Variants in SLC25A32 observed in about 807,000 individuals in gnomAD.
SLC25A32 encodes Glycine auxotroph B, complementation of hamster.
A neutral mutation model predicts 39.0 loss-of-function variants in SLC25A32; 32 were observed. The observed-to-expected ratio is 0.82, with a 90% confidence interval of 0.62 to 1.10. The LOEUF is 1.10. Ranked by LOEUF, SLC25A32 falls within the 50% of genes least tolerant of loss-of-function variation. SLC25A32 has a pLI of 0.00. For synonymous variants in SLC25A32, 166 were observed against 152.4 expected, an observed-to-expected ratio of 1.09 and a Z score of -0.66; for missense variants, 367 against 395.3, an observed-to-expected ratio of 0.93 and a Z score of 0.61.
chr8:103,402,222 CAT>C, intron 4 of SLC25A32, 168 bp from the exon 5 acceptor site: 1 of 519,250 alleles, frequency 1.9e-6, no homozygotes, highest in South Asian at 3.0e-5. Flanking sequence ...AATATAAAGA[CAT>C]GGGTAGTATT....
intron 2 of SLC25A32, among the ~76,000 whole-genome samples, chr8:103,405,371 G>T (rs1276432446): frequency 6.6e-6 from 1 of 152,142 alleles, no homozygotes; most frequent in African/African-American, 2.4e-5. Flanking sequence ...AGAAATTCAG[G>T]AATTATGACT....
At chr8:103,403,103 C>CA in intron 4 of SLC25A32, 61 bp downstream of exon 4, 1 of 1,266,890 alleles carries the variant, frequency 7.9e-7, no homozygotes, top group Admixed American at 2.2e-5. Flanking sequence ...AGAACTAAGA[C>CA]AACAGAGCCA....
chr8:103,407,668 C>G lies in SLC25A32; in HGVS notation c.271G>C (p.Gly91Arg). 1 of 1,604,822 alleles carries G rather than the reference C, an allele frequency of 6.2e-7. No homozygotes were observed. Among genetic ancestry groups the G allele is most frequent in the Non-Finnish European group, 8.5e-7 (1 of 1,174,618 alleles). ...TAGAGTCCCCAGGATAAACCTGCAC[C>G]CCATATATTTGGGGTTACTCCTTGA... is the stretch of plus-strand genomic sequence containing the variant. ...LYQGVTPNIW[G>R]AGLSWGLYFF... Residue 91 changes from glycine to arginine, a missense_variant, in exon 2 of 7, where the codon GGT becomes CGT. Transcript: ENST00000297578.
In SLC25A32 at chr8:103,403,150, T is replaced by C; in HGVS notation, c.552+14A>G. 2 of 1,535,610 alleles carry C rather than the reference T, an allele frequency of 1.3e-6. No individual in the cohort carries two copies. The highest frequency in any genetic ancestry group is 1.8e-6 in the Non-Finnish European group (2 of 1,129,612). ...AATTTTTCAGTTATTTAAAATATAT[T>C]GATAATTTGTTACCTTATATAATCC... On this transcript the variant is annotated intron_variant, in intron 4 of 6. Coordinates refer to ENST00000297578, the MANE Select transcript of SLC25A32 (RefSeq NM_030780.5).
intron 2 of SLC25A32, among the ~76,000 whole-genome samples, chr8:103,405,915 C>T (rs887913983): frequency 6.6e-6 from 1 of 152,026 alleles, no homozygotes; most frequent in African/African-American, 2.4e-5. Flanking sequence ...GTGATCCTCC[C>T]ACCTTGGCCT....
intron 6 of SLC25A32, among the ~76,000 whole-genome samples, chr8:103,400,781 A>G (rs968872296): frequency 1.3e-5 from 2 of 152,228 alleles, no homozygotes; most frequent in African/African-American, 2.4e-5. Flanking sequence ...TGAACTAAAA[A>G]GTGCTTTCAA....
At position 103,403,361 on chromosome 8, in the gene SLC25A32, G is replaced by C; in HGVS notation, c.392-37C>G. ...TTTCAATAAGATTATTCAGCATACA[G>C]ATACTTTCGCACTTATGACAACCCA... On this transcript the variant is annotated intron_variant, in intron 3 of 6. Transcript: ENST00000297578. 4 of 1,308,548 alleles carry C rather than the reference G, an allele frequency of 3.1e-6. No individual in the cohort carries two copies. In the African/African-American group the frequency reaches 4.9e-5, roughly 16 times the overall value. 81.1% of individuals were successfully genotyped at this position (1,308,548 alleles called of 1,614,324 possible). A position where few individuals can be genotyped will look rare whatever the true frequency, so the allele number is the denominator to read the frequency against.
chr8:103,401,887 C>A, intron 5 of SLC25A32, 54 bp downstream of exon 5: 3 of 1,433,844 alleles, frequency 2.1e-6, no homozygotes, highest in Non-Finnish European at 2.9e-6. Context: ...AAAATTTCTA[C>A]CTATTAAATA....
At chr8:103,406,363 G>A (rs1816333554) in intron 2 of SLC25A32, among the ~76,000 whole-genome samples, 2 of 152,144 alleles carry the variant, frequency 1.3e-5, no homozygotes, top group African/African-American at 2.4e-5. Flanking sequence ...AGATACTGAT[G>A]TTTTCCTAAA....
At chr8:103,403,074 G>T in intron 4 of SLC25A32, 90 bp downstream of exon 4, 2 of 826,064 alleles carry the variant, frequency 2.4e-6, no homozygotes, top group South Asian at 2.7e-5. Flanking sequence ...TTCTTTTTAG[G>T]ACTTACTATA....
At chr8:103,410,624 T>A (rs1816445166) in intron 1 of SLC25A32, among the ~76,000 whole-genome samples, 1 of 152,142 alleles carries the variant, frequency 6.6e-6, no homozygotes, top group African/African-American at 2.4e-5. Context: ...GCCAAAAAGG[T>A]TAGGGACCAC....
chr8:103,401,663 T>C lies in SLC25A32; in HGVS notation c.667-2A>G. 6.3e-7 allele frequency: 1 copy of C among 1,578,342 alleles called. No homozygotes were observed. ...AACAGATATATATTCTACTGTGCTC[T>C]AAAATGGCAATACAAAACAGTTTTT... On this transcript the variant is annotated splice_acceptor_variant, in intron 5 of 6. Coordinates refer to ENST00000297578, the MANE Select transcript of SLC25A32 (RefSeq NM_030780.5). LOFTEE classifies it high-confidence loss of function.
chr8:103,404,735 G>T (rs991818011), intron 3 of SLC25A32, 41 bp downstream of exon 3: 10 of 1,454,446 alleles, frequency 6.9e-6, no homozygotes, highest in Non-Finnish European at 9.6e-6. Context: ...TGAAAATTAA[G>T]TTTGGAAGGT....
chr8:103,403,842 T>C (rs548304966), intron 3 of SLC25A32, among the ~76,000 whole-genome samples: 2 of 152,334 alleles, frequency 1.3e-5, no homozygotes, highest in African/African-American at 4.8e-5. Flanking sequence ...TAAATAATTA[T>C]GTAATACAGT....
At chr8:103,402,658 T>C (rs914681968) in intron 4 of SLC25A32, 2 of 152,192 alleles carry the variant, frequency 1.3e-5, no homozygotes, top group East Asian at 3.8e-4. Context: ...AAAGGAGTTA[T>C]AAAATCAGAA....
chr8:103,414,588 A>G (rs1245145278), intron 1 of SLC25A32, 196 bp downstream of exon 1: 4 of 680,266 alleles, frequency 5.9e-6, no homozygotes, highest in Admixed American at 5.9e-5. Flanking sequence ...CCCCTCTCTT[A>G]GTCTTGAGGA....
chr8:103,414,662 GCCAA>G (rs1432311325), intron 1 of SLC25A32, 118 bp downstream of exon 1: 1 of 1,378,642 alleles, frequency 7.3e-7, no homozygotes, highest in Middle Eastern at 2.2e-4. Flanking sequence ...GTTCAGGTTA[GCCAA>G]CGCGGACAGC....
At chr8:103,413,564 T>A (rs1310714173) in intron 1 of SLC25A32, among the ~76,000 whole-genome samples, 2 of 152,234 alleles carry the variant, frequency 1.3e-5, no homozygotes, top group African/African-American at 2.4e-5. Flanking sequence ...ATAAATGAGA[T>A]AATGCATCTA....
chr8:103,399,581 C>T lies in SLC25A32; in HGVS notation c.*830G>A, dbSNP rs2130432321. 6.6e-6 allele frequency: 1 copy of T among 152,286 alleles called. No individual in the cohort carries two copies. Among genetic ancestry groups the T allele is most frequent in the Admixed American group, 6.5e-5 (1 of 15,304 alleles). 9.4% of individuals were successfully genotyped at this position (152,286 alleles called of 1,614,324 possible). A position where few individuals can be genotyped will look rare whatever the true frequency, so the allele number is the denominator to read the frequency against. On this transcript the variant is annotated 3_prime_UTR_variant, in exon 7 of 7. Transcript: ENST00000297578. The stretch of plus-strand genomic sequence containing the variant: ...TTAAAACTAAAGCATATTTACAGTG[C>T]ATTTTTTCTCACTAAAATTTCCCAA...
Sources: gnomAD v4.1 joint callset for allele counts (sites outside exome capture counted in the v4.1 genomes callset) on GRCh38, gnomAD v4.1.1 for gene constraint, MANE v1.5 for transcripts, NCBI Gene and HGNC (gene_info 2026-07-23, HGNC 2026-07-21) for gene names.